Variants in COLEC12 observed in about 807,000 individuals in gnomAD.
COLEC12 encodes the protein collectin-12.
Under a neutral mutation model 71.1 loss-of-function variants are expected in COLEC12, and 33 were observed. The ratio of observed to expected loss-of-function variants is 0.46; its 90% CI spans 0.35 to 0.62. COLEC12 has a LOEUF of 0.62. Ranked by LOEUF, COLEC12 falls within the 20% of genes least tolerant of loss-of-function variation. The pLI is 0.00. For synonymous variants in COLEC12, 350 were observed against 353.0 expected (o/e 0.99, Z 0.10); for missense variants, 765 against 916.1 (o/e 0.84, Z 2.13).
chr18:492,679 C>T (rs1246777892), intron 1 of COLEC12, among the ~76,000 whole-genome samples: 1 of 151,610 alleles, frequency 6.6e-6, no homozygotes, highest in Non-Finnish European at 1.5e-5. Flanking sequence ...CTAATGCTGT[C>T]CATTTCTCTG....
At chr18:407,519 A>AATAATG (rs1458810712) in intron 2 of COLEC12, among the ~76,000 whole-genome samples, 1 of 152,166 alleles carries the variant, frequency 6.6e-6, no homozygotes, top group African/African-American at 2.4e-5. Flanking sequence ...AAGAAAGAAA[A>AATAATG]ATAATGTCCC....
chr18:472,678 CAAAAAA>C (rs765169609), intron 2 of COLEC12, among the ~76,000 whole-genome samples: 3,596 of 93,550 alleles, frequency 0.038, 66 homozygotes, highest in African/African-American at 0.14. Flanking sequence ...GGCCCTGTGA[CAAAAAA>C]AAAAAAAAAA....
At chr18:328,908 T>C (rs138503816) in intron 8 of COLEC12, among the ~76,000 whole-genome samples, 15 of 152,356 alleles carry the variant, frequency 9.8e-5, no homozygotes, top group Middle Eastern at 3.4e-3. Flanking sequence ...CCTTTGGTTA[T>C]TGAGACCTCA....
rs771665020 is a variant in COLEC12 at position 335,084 on chromosome 18, G to A, written c.1474C>T (p.Pro492Ser). The A allele has an allele frequency of 1.2e-6, 2 of 1,611,634 alleles. No individual in the cohort carries two copies. The highest frequency in any genetic ancestry group is 2.2e-5 in the East Asian group (1 of 44,656). ...CCTTTGCCGCCACGCTCTCCGGGGG[G>A]ACCAGCTGGTCCAATTGGGCCTCTC... ...GERGPIGPAG[P>S]PGERGGKGSK... Residue 492 changes from proline to serine, a missense_variant, in exon 6 of 10, where the codon CCC (proline) becomes TCC (serine). Coordinates refer to ENST00000400256, the MANE Select transcript of COLEC12 (RefSeq NM_130386.3).
rs950609339 is a variant in COLEC12, at chr18:327,483, G to A, written c.2063+4185C>T. Among the ~76,000 whole-genome samples the A allele has an allele frequency of 6.6e-6, 1 of 152,192 alleles. No homozygotes were observed. Among genetic ancestry groups the A allele is most frequent in the Admixed American group, 6.5e-5 (1 of 15,286 alleles). On this transcript the variant is annotated intron_variant, in intron 8 of 9. Coordinates refer to ENST00000400256, the MANE Select transcript of COLEC12 (RefSeq NM_130386.3). The surrounding 1 kb of genome is among the most constrained non-coding windows in gnomAD (Gnocchi z 4.0). Reference sequence around the variant, plus strand: ...GTCCTGTCCTGCTGCGGTGCAGAAAGAGCCATAAGATTCAGCAAGTCAGGT... The same window carrying A: ...GTCCTGTCCTGCTGCGGTGCAGAAAAAGCCATAAGATTCAGCAAGTCAGGT...
intron 1 of COLEC12, among the ~76,000 whole-genome samples, chr18:483,857 T>C (rs1466076011): frequency 6.6e-6 from 1 of 152,238 alleles, no homozygotes. Context: ...AACACATGCT[T>C]ACAGCCTAGC....
In COLEC12 at chr18:500,640, C is replaced by A. The variant is rs924358954; in HGVS notation, c.-126G>T. 1.4e-6 allele frequency: 1 copy of A among 701,266 alleles called. No individual in the cohort carries two copies. The highest frequency in any genetic ancestry group is 1.9e-6 in the Non-Finnish European group (1 of 532,416). The allele number at this position is 701,266 out of a possible 1,614,324, so 43.4% of individuals were successfully genotyped here. A position where few individuals can be genotyped will look rare whatever the true frequency, so the allele number is the denominator to read the frequency against. On this transcript the variant is annotated 5_prime_UTR_variant, in exon 1 of 10. Coordinates refer to ENST00000400256, the MANE Select transcript of COLEC12 (RefSeq NM_130386.3). This position sits in a 1 kb window ranked among gnomAD's most constrained non-coding sequence, Gnocchi z 5.3. ...CCGCGCCGCGCGCCGGCCGTCTGCG[C>A]CCCCGTCCTCCCTCGCCGCCGCCGG...
intron 2 of COLEC12, among the ~76,000 whole-genome samples, chr18:435,760 CT>C (rs1213001088): frequency 6.6e-6 from 1 of 152,146 alleles, no homozygotes; most frequent in African/African-American, 2.4e-5. Flanking sequence ...ATTGAGTAGC[CT>C]TTTACACATA....
intron 3 of COLEC12, among the ~76,000 whole-genome samples, chr18:349,905 C>CTA (rs1598334412): frequency 6.6e-6 from 1 of 152,198 alleles, no homozygotes; most frequent in Non-Finnish European, 1.5e-5. Flanking sequence ...CTCATTGTAT[C>CTA]TAGGAAGTAA....
rs1368641309 is a variant in COLEC12 at position 427,314 on chromosome 18, T to A, written c.58+53393A>T. Among the ~76,000 whole-genome samples the A allele has an allele frequency of 2.6e-5, 4 of 152,108 alleles. No homozygotes were observed. The South Asian group carries it at 8.3e-4, about 32-fold the overall frequency. ...ACGGTTAGCAAAAGCATCGCCAAATTCAGCTACGCCAGCAATGCCAACAAA... is the reference window on the plus strand; with the variant it reads ...ACGGTTAGCAAAAGCATCGCCAAATACAGCTACGCCAGCAATGCCAACAAA... On this transcript the variant is annotated intron_variant, in intron 2 of 9. Transcript: ENST00000400256.
At chr18:422,019 A>C (rs1916108863) in intron 2 of COLEC12, among the ~76,000 whole-genome samples, 1 of 152,180 alleles carries the variant, frequency 6.6e-6, no homozygotes, top group Non-Finnish European at 1.5e-5. Context: ...GGACAGTCTC[A>C]GTAGGCCTTC....
chr18:464,672 G>A lies in COLEC12; in HGVS notation c.58+16035C>T, dbSNP rs73944750. Among the ~76,000 whole-genome samples the A allele has an allele frequency of 5.3e-3, 813 of 152,004 alleles. 3 individuals are homozygous for A. The highest frequency in any genetic ancestry group is 0.019 in the African/African-American group (777 of 41,460). Reference sequence around the variant, plus strand: ...GATACGTTGATCTTTTTTCTCCCCGGCTAGACTGGGAGCACCATCAATACT... The same window carrying A: ...GATACGTTGATCTTTTTTCTCCCCGACTAGACTGGGAGCACCATCAATACT... On this transcript the variant is annotated intron_variant, in intron 2 of 9. Coordinates refer to ENST00000400256, the MANE Select transcript of COLEC12 (RefSeq NM_130386.3).
intron 1 of COLEC12, among the ~76,000 whole-genome samples, chr18:488,410 C>T (rs1298669022): frequency 6.6e-6 from 1 of 150,734 alleles, no homozygotes; most frequent in Non-Finnish European, 1.5e-5. Context: ...GACTCCATCT[C>T]AAAAAAGAGA....
intron 2 of COLEC12, among the ~76,000 whole-genome samples, chr18:422,579 C>T (rs1894411399): frequency 6.6e-6 from 1 of 151,888 alleles, no homozygotes; most frequent in African/African-American, 2.4e-5. Context: ...TTTCCTTTAC[C>T]TTTTCCAATT....
At position 362,151 on chromosome 18, in the gene COLEC12, G is replaced by T. The variant is rs117310170; in HGVS notation, c.59-4629C>A. Among the ~76,000 whole-genome samples, 3,092 of 152,270 alleles carry T rather than the reference G, an allele frequency of 0.02. 39 individuals carry two copies. Among genetic ancestry groups the T allele is most frequent in the Non-Finnish European group, 0.033 (2,253 of 68,028 alleles). ...GGCCGCCAGGCATCTGGTGCATGTG[G>T]TATTCGTGCAGATCCAAGCCCGGAC... On this transcript the variant is annotated intron_variant, in intron 2 of 9. Coordinates refer to ENST00000400256, the MANE Select transcript of COLEC12 (RefSeq NM_130386.3). This position sits in a 1 kb window ranked among gnomAD's most constrained non-coding sequence, Gnocchi z 4.6.
chr18:335,675 A>G (rs9964715), intron 5 of COLEC12, among the ~76,000 whole-genome samples: 50,056 of 152,096 alleles, frequency 0.33, 9,146 homozygotes, highest in Non-Finnish European at 0.42. Flanking sequence ...TTGATCTTGG[A>G]CTTGCGGCCT....
At chr18:449,624 T>C (rs1916719206) in intron 2 of COLEC12, among the ~76,000 whole-genome samples, 1 of 152,222 alleles carries the variant, frequency 6.6e-6, no homozygotes, top group African/African-American at 2.4e-5. Flanking sequence ...AAGGGATGCC[T>C]AGCCAGCTGA....
At chr18:340,163 G>A (rs1393380575) in intron 5 of COLEC12, among the ~76,000 whole-genome samples, 4 of 150,184 alleles carry the variant, frequency 2.7e-5, no homozygotes, top group East Asian at 2.0e-4. Flanking sequence ...CAGCAACGCC[G>A]CATGTGGAAA....
At chr18:340,772 A>G (rs1914233382) in intron 5 of COLEC12, among the ~76,000 whole-genome samples, 1 of 152,222 alleles carries the variant, frequency 6.6e-6, no homozygotes, top group Non-Finnish European at 1.5e-5. Context: ...AATGCACTTA[A>G]TCAAATATTT....
Sources: gnomAD v4.1 joint callset for allele counts (sites outside exome capture counted in the v4.1 genomes callset) on GRCh38, gnomAD v4.1.1 for gene constraint, Gnocchi (gnomAD v3.1) non-coding constraint, MANE v1.5 for transcripts, NCBI Gene and HGNC (gene_info 2026-07-23, HGNC 2026-07-21) for gene names.